Variants in FOXN3 observed in about 807,000 individuals in gnomAD.
The protein encoded by FOXN3 is forkhead box protein N3.
In FOXN3, 7 loss-of-function variants were observed where a neutral mutation model predicts 38.4. The observed-to-expected ratio is 0.18, with a 90% CI of 0.10 to 0.34. The LOEUF (loss-of-function observed/expected upper bound fraction) is 0.34. FOXN3 is among the 10% of genes least tolerant of loss of function. The pLI is 1.00. For synonymous variants in FOXN3, 230 were observed against 242.2 expected, an observed-to-expected ratio of 0.95 and a Z score of 0.47; for missense variants, 456 against 613.4, an observed-to-expected ratio of 0.74 and a Z score of 2.71.
At chr14:89,469,134 G>A (rs562959135) in intron 1 of FOXN3, among the ~76,000 whole-genome samples, 2 of 152,328 alleles carry the variant, frequency 1.3e-5, no homozygotes, top group East Asian at 3.9e-4. Flanking sequence ...GCAGATGAGA[G>A]AAACTGAGAC....
rs1223526368 is a variant in FOXN3, at chr14:89,369,560, TA to T, written c.544-18753del. Reference sequence around the variant, plus strand: ...AAGACTGGGTAATTTTTTTTTTTTTTAAAAAAGAGGTTTAATGGACTCACAA... The same window carrying T: ...AAGACTGGGTAATTTTTTTTTTTTTTAAAAAGAGGTTTAATGGACTCACAA... On this transcript the variant is annotated intron_variant, in intron 2 of 5. Transcript: ENST00000557258. Among the ~76,000 whole-genome samples the T allele has an allele frequency of 9.8e-3, 1,474 of 150,574 alleles. 15 individuals are homozygous for T. The highest frequency in any genetic ancestry group is 0.012 in the Non-Finnish European group (814 of 67,702).
chr14:89,329,998 G>T (rs917146264), intron 3 of FOXN3, among the ~76,000 whole-genome samples: 1 of 151,466 alleles, frequency 6.6e-6, no homozygotes, highest in African/African-American at 2.4e-5. Context: ...ATGTGTGCCA[G>T]CCATCCCTGC....
At chr14:89,268,729 G>A (rs1223029685) in intron 4 of FOXN3, among the ~76,000 whole-genome samples, 2 of 152,092 alleles carry the variant, frequency 1.3e-5, no homozygotes, top group East Asian at 3.9e-4. Context: ...ACTGGGCCAC[G>A]TGCCTATCCC....
rs1895826445 is a variant in FOXN3, at chr14:89,585,673, G to A, written c.-15+33355C>T. Among the ~76,000 whole-genome samples, 5 of 150,352 alleles carry A rather than the reference G, an allele frequency of 3.3e-5. No homozygotes were observed. The South Asian group carries it at 8.4e-4, about 25-fold the overall frequency. On this transcript the variant is annotated intron_variant, in intron 1 of 6. Coordinates refer to the FOXN3 transcript ENST00000345097. ...ATAAAGAAATAATAGGCCGGTCTGA[G>A]TACAGTGGTATTTACAACTAACTGA...
intron 2 of FOXN3, among the ~76,000 whole-genome samples, chr14:89,378,302 G>T (rs1245274640): frequency 1.3e-5 from 2 of 152,180 alleles, no homozygotes. Flanking sequence ...ATGATGTCAT[G>T]TCTGCACCAT....
rs888567134 is a variant in FOXN3, at chr14:89,559,191, C to T, written c.-15+59837G>A. Among the ~76,000 whole-genome samples, 14 of 132,566 alleles carry T rather than the reference C, an allele frequency of 1.1e-4. No individual in the cohort carries two copies. The East Asian group carries it at 2.1e-3, about 19-fold the overall frequency. 87.0% of individuals were successfully genotyped at this position (132,566 alleles called of 152,430 possible). A position where few individuals can be genotyped will look rare whatever the true frequency, so the allele number is the denominator to read the frequency against. Reference sequence around the variant, plus strand: ...ACCAGCCTGGGCAATATAGTGAGACCGCCCCCCGCCCAACCCCATCTCTGC... The same window carrying T: ...ACCAGCCTGGGCAATATAGTGAGACTGCCCCCCGCCCAACCCCATCTCTGC... On this transcript the variant is annotated intron_variant, in intron 1 of 6. Transcript: ENST00000345097.
upstream of FOXN3, among the ~76,000 whole-genome samples, chr14:89,420,928 G>A (rs1297954898): frequency 1.3e-5 from 2 of 150,016 alleles, no homozygotes; most frequent in African/African-American, 4.9e-5. Context: ...GATCCAAGAT[G>A]AATTTCGGGA....
intron 3 of FOXN3, among the ~76,000 whole-genome samples, chr14:89,302,743 C>A (rs899172710): frequency 6.6e-6 from 1 of 152,176 alleles, no homozygotes; most frequent in Admixed American, 6.5e-5. Flanking sequence ...CAGTACCAAT[C>A]GGGTCTGAGA....
intron 3 of FOXN3, chr14:89,284,499 C>T (rs1402891626): frequency 2.2e-6 from 1 of 456,064 alleles, no homozygotes; most frequent in Admixed American, 2.3e-5. Flanking sequence ...GCTCTTCCAG[C>T]ACTAAACTCT....
intron 1 of FOXN3, chr14:89,576,193 A>G (rs1895613190): frequency 6.6e-6 from 1 of 152,224 alleles, no homozygotes; most frequent in African/African-American, 2.4e-5. Flanking sequence ...AACAATATAA[A>G]TTTAGTGCAT....
Position 89,222,038 on chromosome 14 carries a change from A to G in FOXN3, c.746-41232T>C, listed in dbSNP as rs186564489. On this transcript the variant is annotated intron_variant, in intron 4 of 5. Coordinates refer to ENST00000557258, the MANE Select transcript of FOXN3 (RefSeq NM_005197.4). ...GGGGTTTCACCGCGTTAGCCAGGAT[A>G]GTCTCCTGACCTCGTGATCTGCCCG... 4.6e-5 allele frequency among the ~76,000 whole-genome samples: 7 copies of G among 152,082 alleles called. No homozygotes were observed. The East Asian group carries it at 7.8e-4, about 17-fold the overall frequency.
At chr14:89,463,792 T>C (rs2139732589) in intron 1 of FOXN3, among the ~76,000 whole-genome samples, 2 of 151,614 alleles carry the variant, frequency 1.3e-5, no homozygotes, top group East Asian at 3.9e-4. Context: ...CTCTTTTTTT[T>C]TTTTTTTTTG....
intron 1 of FOXN3, among the ~76,000 whole-genome samples, chr14:89,613,396 A>T (rs1184860561): frequency 6.6e-6 from 1 of 152,196 alleles, no homozygotes; most frequent in African/African-American, 2.4e-5. Flanking sequence ...CTGCTCCATT[A>T]TCATGAGTAC....
chr14:89,312,938 A>T (rs1887604198), intron 3 of FOXN3, among the ~76,000 whole-genome samples: 3 of 152,194 alleles, frequency 2.0e-5, no homozygotes. Context: ...TTTTCGCTGA[A>T]GGTCTCAAGA....
At chr14:89,575,312 C>A (rs561659531) in intron 1 of FOXN3, among the ~76,000 whole-genome samples, 1 of 152,254 alleles carries the variant, frequency 6.6e-6, no homozygotes, top group East Asian at 1.9e-4. Flanking sequence ...GGTGACCAAG[C>A]ACTTGACCCT....
At chr14:89,395,824 G>A (rs537482882) in intron 2 of FOXN3, among the ~76,000 whole-genome samples, 2 of 152,090 alleles carry the variant, frequency 1.3e-5, no homozygotes, top group Admixed American at 6.6e-5. Flanking sequence ...GGAGGGGGGG[G>A]AGTTTCAAAG....
intron 1 of FOXN3, among the ~76,000 whole-genome samples, chr14:89,573,546 C>T (rs1361373284): frequency 6.6e-6 from 1 of 152,142 alleles, no homozygotes; most frequent in Non-Finnish European, 1.5e-5. Context: ...GACCAGCATG[C>T]TTTTTGCTTT....
chr14:89,167,819 C>A lies in FOXN3; in HGVS notation c.852-4850G>T, dbSNP rs1356149883. The stretch of plus-strand genomic sequence containing the variant: ...TCAGGCAACTAGGCAACGAAGAAAG[C>A]CAAAGTTTCTCTATAGCGAACGTCT... On this transcript the variant is annotated intron_variant, in intron 5 of 5. Coordinates refer to ENST00000557258, the MANE Select transcript of FOXN3 (RefSeq NM_005197.4). Among the ~76,000 whole-genome samples the A allele has an allele frequency of 2.0e-5, 3 of 152,236 alleles. No individual in the cohort carries two copies. In the East Asian group the frequency reaches 5.8e-4, roughly 29 times the overall value.
chr14:89,357,892 C>A (rs992740063), intron 2 of FOXN3, among the ~76,000 whole-genome samples: 3 of 152,140 alleles, frequency 2.0e-5, no homozygotes, highest in African/African-American at 7.2e-5. Context: ...ACTGCATAAG[C>A]CACCTCTCTC....
Sources: allele counts gnomAD v4.1 joint callset (sites outside exome capture counted in the v4.1 genomes callset), GRCh38; gene constraint gnomAD v4.1.1; transcripts MANE v1.5; gene names NCBI Gene and HGNC (gene_info 2026-07-23, HGNC 2026-07-21).